BABAM2: variants seen among roughly 807,000 people sequenced by gnomAD.
BABAM2 encodes BRISC and BRCA1 A complex member 2, also known as BRISC and BRCA1-A complex member 2.
A neutral mutation model predicts 54.7 loss-of-function variants in BABAM2; 31 were observed. The observed-to-expected ratio is 0.57, with a 90% confidence interval of 0.43 to 0.77. The LOEUF is 0.77. BABAM2 is among the 30% of genes least tolerant of loss of function. BABAM2 has a pLI of 0.00. For synonymous variants in BABAM2, 167 were observed against 162.9 expected (o/e 1.03, Z -0.19); for missense variants, 364 against 455.8 (o/e 0.80, Z 1.83).
intron 6 of BABAM2, among the ~76,000 whole-genome samples, chr2:28,117,705 G>A (rs1668724495): frequency 6.6e-6 from 1 of 152,130 alleles, no homozygotes; most frequent in African/African-American, 2.4e-5. Flanking sequence ...CTTGAAGAAA[G>A]GACCAGCCTT....
intron 4 of BABAM2, chr2:28,016,115 C>T: frequency 9.2e-7 from 1 of 1,091,602 alleles, no homozygotes; most frequent in South Asian, 1.3e-5. Context: ...TGTTTCTTAC[C>T]CTTATCTTCA....
intron 10 of BABAM2, among the ~76,000 whole-genome samples, chr2:28,246,282 A>G (rs1682910067): frequency 6.6e-6 from 1 of 152,142 alleles, no homozygotes. Flanking sequence ...TTCTGACCTT[A>G]TATATCCTTG....
chr2:27,898,661 T>C (rs560103049), intron 2 of BABAM2, among the ~76,000 whole-genome samples: 127 of 152,220 alleles, frequency 8.3e-4, no homozygotes, highest in African/African-American at 3.0e-3. Context: ...CTTGAAAACA[T>C]TGTGCTAAGT....
intron 4 of BABAM2, among the ~76,000 whole-genome samples, chr2:28,008,655 C>T (rs537020313): frequency 6.9e-4 from 105 of 152,168 alleles, no homozygotes; most frequent in African/African-American, 2.1e-3. Flanking sequence ...AAAAATTAAA[C>T]ACAAATAAAT....
At chr2:28,258,296 G>T (rs1165363122) in intron 10 of BABAM2, among the ~76,000 whole-genome samples, 1 of 152,182 alleles carries the variant, frequency 6.6e-6, no homozygotes, top group Non-Finnish European at 1.5e-5. Context: ...TAAAAACGTA[G>T]AAGTGGAAAT....
chr2:28,060,335 T>C (rs1678757874), intron 6 of BABAM2, among the ~76,000 whole-genome samples: 1 of 152,124 alleles, frequency 6.6e-6, no homozygotes, highest in Admixed American at 6.5e-5. Flanking sequence ...AATCTAGGAA[T>C]GGAAAGGAAC....
chr2:27,931,153 T>G (rs1668062118), intron 3 of BABAM2, among the ~76,000 whole-genome samples: 1 of 152,218 alleles, frequency 6.6e-6, no homozygotes, highest in African/African-American at 2.4e-5. Flanking sequence ...GACCATTTTC[T>G]GGAAACCATT....
chr2:27,965,451 C>T (rs1201094263), intron 3 of BABAM2, among the ~76,000 whole-genome samples: 1 of 152,082 alleles, frequency 6.6e-6, no homozygotes, highest in Non-Finnish European at 1.5e-5. Context: ...TTCATATGTC[C>T]TCCATCAGCT....
chr2:28,179,916 G>A (rs931489557), intron 7 of BABAM2, among the ~76,000 whole-genome samples: 2 of 152,036 alleles, frequency 1.3e-5, no homozygotes, highest in Non-Finnish European at 2.9e-5. Context: ...ACAAGGAGGT[G>A]AAAGACCTCT....
intron 3 of BABAM2, among the ~76,000 whole-genome samples, chr2:27,964,142 G>C (rs940855368): frequency 6.6e-6 from 1 of 152,162 alleles, no homozygotes; most frequent in African/African-American, 2.4e-5. Context: ...TCCCAAGAGA[G>C]TGGGTTGTTA....
At chr2:27,932,380 T>C (rs1213700575) in intron 3 of BABAM2, among the ~76,000 whole-genome samples, 1 of 152,230 alleles carries the variant, frequency 6.6e-6, no homozygotes, top group Non-Finnish European at 1.5e-5. Flanking sequence ...TCTTCTGTTA[T>C]CTGAATTATT....
At chr2:28,200,928 C>T (rs1047687855) in intron 7 of BABAM2, among the ~76,000 whole-genome samples, 5 of 152,186 alleles carry the variant, frequency 3.3e-5, no homozygotes, top group African/African-American at 1.2e-4. Flanking sequence ...ACCACCACAC[C>T]TGGCTAATTT....
rs1475913468 is a variant in BABAM2, at chr2:27,924,113, A to G, written c.129-5719A>G. ...TACTTTCAAGTGTCCTTTTTCCATA[A>G]GTGGAATCATACTATTTCCATGTAT... On this transcript the variant is annotated intron_variant, in intron 2 of 11. Coordinates refer to ENST00000379624, the MANE Select transcript of BABAM2 (RefSeq NM_199191.3). Among the ~76,000 whole-genome samples, 3 of 152,198 alleles carry G rather than the reference A, an allele frequency of 2.0e-5. No individual in the cohort carries two copies. The East Asian group carries it at 5.8e-4, about 29-fold the overall frequency.
chr2:28,037,889 A>C (rs988046963), intron 5 of BABAM2, among the ~76,000 whole-genome samples: 6 of 152,226 alleles, frequency 3.9e-5, no homozygotes. Context: ...GATACTTGGA[A>C]GAAGGGAAAG....
At position 28,175,254 on chromosome 2, in the gene BABAM2, G is replaced by A. The variant is rs1674795013; in HGVS notation, c.680+45874G>A. 2.0e-5 allele frequency among the ~76,000 whole-genome samples: 3 copies of A among 152,184 alleles called. No homozygotes were observed. The South Asian group carries it at 6.2e-4, about 32-fold the overall frequency. On this transcript the variant is annotated intron_variant, in intron 7 of 11. Coordinates refer to ENST00000379624, the MANE Select transcript of BABAM2 (RefSeq NM_199191.3). ...AACTCTGTCCACCCCCTGCAGGGCT[G>A]CAGAGCACTTGCACACACCCTGAAG...
chr2:28,155,228 G>A (rs919776324), intron 7 of BABAM2, among the ~76,000 whole-genome samples: 2 of 152,116 alleles, frequency 1.3e-5, no homozygotes, highest in African/African-American at 4.8e-5. Context: ...GAAGTAGATA[G>A]TTCTTTATTA....
intron 11 of BABAM2, among the ~76,000 whole-genome samples, chr2:28,328,407 T>C (rs1690668246): frequency 6.6e-6 from 1 of 152,186 alleles, no homozygotes; most frequent in Non-Finnish European, 1.5e-5. Flanking sequence ...TGCCTCTATT[T>C]GCAAAAATGA....
At chr2:27,899,249 G>A (rs1388062998) in intron 2 of BABAM2, among the ~76,000 whole-genome samples, 1 of 152,166 alleles carries the variant, frequency 6.6e-6, no homozygotes, top group Non-Finnish European at 1.5e-5. Flanking sequence ...GGGCCTGATG[G>A]CTAGTGGACT....
chr2:27,890,052 T>C (rs1664688790), upstream of BABAM2: 2 of 540,914 alleles, frequency 3.7e-6, no homozygotes, highest in East Asian at 6.2e-5. The surrounding 1 kb of genome is among the most constrained non-coding windows in gnomAD (Gnocchi z 4.8). Context: ...GCCTATTACG[T>C]CCCCTCCCCT....
Sources: gnomAD v4.1 joint callset for allele counts (sites outside exome capture counted in the v4.1 genomes callset) on GRCh38, gnomAD v4.1.1 for gene constraint, Gnocchi (gnomAD v3.1) non-coding constraint, MANE v1.5 for transcripts, NCBI Gene and HGNC (gene_info 2026-07-23, HGNC 2026-07-21) for gene names.